ITPKB: variants seen among roughly 807,000 people sequenced by gnomAD.
ITPKB encodes the protein IP3 3-kinase B.
ITPKB carries 13 observed loss-of-function variants against 69.4 expected under a neutral mutation model. The ratio of observed to expected loss-of-function variants is 0.19; its 90% confidence interval spans 0.12 to 0.30. ITPKB has a LOEUF of 0.30. Ranked by LOEUF, ITPKB falls within the 10% of genes least tolerant of loss-of-function variation. The probability of loss-of-function intolerance (pLI) is 1.00; values close to 1 mark genes in which losing one functional copy is unlikely to be tolerated. For missense variants in ITPKB, 1,240 were observed against 1,250.5 expected (o/e 0.99, Z 0.13); for synonymous variants, 584 against 513.7 (o/e 1.14, Z -1.85).
At chr1:226,727,720 C>T (rs1010045680) in intron 2 of ITPKB, among the ~76,000 whole-genome samples, 6 of 152,136 alleles carry the variant, frequency 3.9e-5, no homozygotes, top group African/African-American at 9.7e-5. Flanking sequence ...ACCTCGTTTG[C>T]ACCCCCACCC....
chr1:226,731,300 G>T (rs568075375), intron 2 of ITPKB, among the ~76,000 whole-genome samples: 1 of 152,182 alleles, frequency 6.6e-6, no homozygotes, highest in Non-Finnish European at 1.5e-5. Context: ...AATTATTAAT[G>T]ATAATCTTAG....
chr1:226,678,190 T>G (rs563268842), intron 2 of ITPKB, among the ~76,000 whole-genome samples: 1 of 152,218 alleles, frequency 6.6e-6, no homozygotes, highest in Non-Finnish European at 1.5e-5. Flanking sequence ...AAAGACTATT[T>G]TTCTAATGTT....
At chr1:226,661,273 C>T (rs1457187570) in intron 2 of ITPKB, among the ~76,000 whole-genome samples, 1 of 152,172 alleles carries the variant, frequency 6.6e-6, no homozygotes, top group Non-Finnish European at 1.5e-5. Flanking sequence ...TGTTCTAGTG[C>T]CAGTTCAAGA....
intron 2 of ITPKB, among the ~76,000 whole-genome samples, chr1:226,699,609 G>C (rs1012373155): frequency 6.6e-6 from 1 of 152,162 alleles, no homozygotes; most frequent in Non-Finnish European, 1.5e-5. Flanking sequence ...ACAATGCCTG[G>C]AGCATATTAA....
intron 2 of ITPKB, among the ~76,000 whole-genome samples, chr1:226,725,824 AC>A (rs1440748322): frequency 1.3e-5 from 2 of 152,274 alleles, no homozygotes; most frequent in East Asian, 3.9e-4. Flanking sequence ...CTGAAGTGAA[AC>A]CGGGGCGTTA....
chr1:226,671,062 C>G lies in ITPKB; in HGVS notation c.1933-22291G>C, dbSNP rs543235702. The stretch of plus-strand genomic sequence containing the variant: ...AGAACACAGCACTCTCCAAAATGTC[C>G]CTTCAGCTAAGGGAGAAATAGGGCT... On this transcript the variant is annotated intron_variant, in intron 2 of 7. Transcript: ENST00000429204. 2.6e-5 allele frequency among the ~76,000 whole-genome samples: 4 copies of G among 152,302 alleles called. No individual in the cohort carries two copies. The East Asian group carries it at 7.7e-4, about 29-fold the overall frequency.
In ITPKB at chr1:226,675,244, C is replaced by A. The variant is rs185729325; in HGVS notation, c.1933-26473G>T. On this transcript the variant is annotated intron_variant, in intron 2 of 7. Coordinates refer to ENST00000429204, the MANE Select transcript of ITPKB (RefSeq NM_002221.4). The stretch of plus-strand genomic sequence containing the variant: ...GCTGAGGAGGAAGTGGTTGCTATAA[C>A]CCCAAGGGGGAAACGCTCGCTTGAA... Among the ~76,000 whole-genome samples, 25 of 151,850 alleles carry A rather than the reference C, an allele frequency of 1.6e-4. No individual in the cohort carries two copies. In the South Asian group the frequency reaches 4.6e-3, roughly 28 times the overall value.
intron 2 of ITPKB, among the ~76,000 whole-genome samples, chr1:226,657,589 G>T (rs1370797448): frequency 1.3e-5 from 2 of 152,150 alleles, no homozygotes; most frequent in African/African-American, 4.8e-5. Flanking sequence ...ATTGCCAGCC[G>T]AACTCTGCTG....
intron 5 of ITPKB, among the ~76,000 whole-genome samples, chr1:226,640,250 A>G (rs547774605): frequency 2.0e-5 from 3 of 152,266 alleles, no homozygotes; most frequent in South Asian, 2.1e-4. Context: ...CCCCAGCACT[A>G]TCTCTGTTCA....
intron 2 of ITPKB, among the ~76,000 whole-genome samples, chr1:226,695,963 A>T (rs1290059606): frequency 1.3e-5 from 2 of 152,186 alleles, no homozygotes; most frequent in Admixed American, 1.3e-4. Context: ...AAAAAGGCAG[A>T]GCAGAGGGAA....
Position 226,687,679 on chromosome 1 carries a change from G to C in ITPKB, c.1933-38908C>G, listed in dbSNP as rs564807518. Among the ~76,000 whole-genome samples, 5 of 152,314 alleles carry C rather than the reference G, an allele frequency of 3.3e-5. No homozygotes were observed. The East Asian group carries it at 9.6e-4, about 29-fold the overall frequency. On this transcript the variant is annotated intron_variant, in intron 2 of 7. Transcript: ENST00000429204. ...CAGCACTGTAGGGAGCACTTACCTA[G>C]AGACACAGTGCCCTCCTGCCCTCCT...
At chr1:226,680,469 T>A (rs1441847509) in intron 2 of ITPKB, among the ~76,000 whole-genome samples, 1 of 152,178 alleles carries the variant, frequency 6.6e-6, no homozygotes, top group African/African-American at 2.4e-5. Flanking sequence ...GCTGAATGTG[T>A]TAGGTAGGGT....
chr1:226,646,410 C>A (rs756625137), intron 4 of ITPKB, among the ~76,000 whole-genome samples: 1 of 152,192 alleles, frequency 6.6e-6, no homozygotes, highest in Non-Finnish European at 1.5e-5. Context: ...GAGATCACAG[C>A]AGCCGGCCTC....
At chr1:226,655,859 G>T (rs1669277059) in intron 2 of ITPKB, among the ~76,000 whole-genome samples, 1 of 152,242 alleles carries the variant, frequency 6.6e-6, no homozygotes, top group African/African-American at 2.4e-5. Context: ...ACACTTGTAT[G>T]TCGTGAGGAC....
In ITPKB at chr1:226,633,076, C is replaced by T. The variant is rs990073490; in HGVS notation, c.*1595G>A. 6 of 152,244 alleles carry T rather than the reference C, an allele frequency of 3.9e-5. No individual in the cohort carries two copies. The highest frequency in any genetic ancestry group is 1.4e-4 in the African/African-American group (6 of 41,466). 9.4% of individuals were successfully genotyped at this position (152,244 alleles called of 1,614,324 possible). ...CACAGGAGCTCACCACTGTTTTAAA[C>T]AAGAGCCAGGAAGTGTAAGTTGATT... On this transcript the variant is annotated 3_prime_UTR_variant, in exon 8 of 8. Transcript: ENST00000429204.
chr1:226,694,958 C>T (rs1455484817), intron 2 of ITPKB, among the ~76,000 whole-genome samples: 2 of 152,244 alleles, frequency 1.3e-5, no homozygotes, highest in African/African-American at 2.4e-5. Context: ...TATTGGGCAC[C>T]GTGGCTCACG....
intron 2 of ITPKB, among the ~76,000 whole-genome samples, chr1:226,654,110 G>A (rs927946117): frequency 6.6e-6 from 1 of 152,168 alleles, no homozygotes; most frequent in African/African-American, 2.4e-5. Context: ...GGGGAGGGGA[G>A]TGATTCTTTG....
In ITPKB at chr1:226,633,145, C is replaced by G. The variant is rs918044083; in HGVS notation, c.*1526G>C. The G allele has an allele frequency of 5.3e-5, 8 of 152,296 alleles. No individual in the cohort carries two copies. In the South Asian group the frequency reaches 6.2e-4, roughly 12 times the overall value. 9.4% of individuals were successfully genotyped at this position (152,296 alleles called of 1,614,324 possible). ...ACTTATACATCCTCATGTGTCCCAC[C>G]CTCCACCCCCAGCAAGTGTCACTCA... is the stretch of plus-strand genomic sequence containing the variant. On this transcript the variant is annotated 3_prime_UTR_variant, in exon 8 of 8. Transcript: ENST00000429204.
At chr1:226,690,438 G>A (rs966026708) in intron 2 of ITPKB, among the ~76,000 whole-genome samples, 2 of 152,146 alleles carry the variant, frequency 1.3e-5, no homozygotes, top group African/African-American at 4.8e-5. Flanking sequence ...ATCTGGGGCT[G>A]TCAGGCTCCC....
Sources: allele counts gnomAD v4.1 joint callset (sites outside exome capture counted in the v4.1 genomes callset), GRCh38; gene constraint gnomAD v4.1.1; transcripts MANE v1.5; gene names NCBI Gene and HGNC (gene_info 2026-07-23, HGNC 2026-07-21).